PLCB1: variants seen among roughly 807,000 people sequenced by gnomAD.
The protein encoded by PLCB1 is 1-phosphatidylinositol 4,5-bisphosphate phosphodiesterase beta-1.
PLCB1 carries 46 observed loss-of-function variants against 161.8 expected under a neutral mutation model. The observed-to-expected ratio is 0.28, with a 90% CI of 0.22 to 0.36. The LOEUF (loss-of-function observed/expected upper bound fraction) is 0.36, where lower values mean the gene tolerates loss of function less well. PLCB1 is among the 10% of genes least tolerant of loss of function. PLCB1 has a pLI of 1.00. For synonymous variants in PLCB1, 517 were observed against 503.7 expected (o/e 1.03, Z -0.35); for missense variants, 1,016 against 1,472.5 (o/e 0.69, Z 5.07).
At chr20:8,393,491 T>TA (rs1332806440) in intron 3 of PLCB1, among the ~76,000 whole-genome samples, 4 of 151,668 alleles carry the variant, frequency 2.6e-5, no homozygotes, top group African/African-American at 9.7e-5. Context: ...CCCTATCTCT[T>TA]AAAAAAAATA....
chr20:8,200,075 T>C (rs1284676783), intron 2 of PLCB1, among the ~76,000 whole-genome samples: 3 of 152,118 alleles, frequency 2.0e-5, no homozygotes, highest in Admixed American at 6.6e-5. Flanking sequence ...ATTCCGGATA[T>C]TAATTCATTG....
chr20:8,666,038 C>A (rs1266221826), intron 9 of PLCB1, among the ~76,000 whole-genome samples: 1 of 152,172 alleles, frequency 6.6e-6, no homozygotes, highest in African/African-American at 2.4e-5. Flanking sequence ...CATCCACAGC[C>A]AGGCTACAAT....
At chr20:8,671,390 A>G (rs1989940399) in intron 9 of PLCB1, among the ~76,000 whole-genome samples, 1 of 152,208 alleles carries the variant, frequency 6.6e-6, no homozygotes. Flanking sequence ...GTTTTCTGTT[A>G]TATTTCATTT....
Position 8,859,469 on chromosome 20 carries a change from C to T in PLCB1, c.3424-22153C>T, listed in dbSNP as rs1465964163. Among the ~76,000 whole-genome samples the T allele has an allele frequency of 2.6e-5, 4 of 152,224 alleles. No homozygotes were observed. The East Asian group carries it at 7.7e-4, about 29-fold the overall frequency. Reference sequence around the variant, plus strand: ...AGTGATACTACTGGTCCTAGGACCACACTTTGAGTAGCAAGGCTTTCTAAA... The same window carrying T: ...AGTGATACTACTGGTCCTAGGACCATACTTTGAGTAGCAAGGCTTTCTAAA... On this transcript the variant is annotated intron_variant, in intron 31 of 31. Coordinates refer to ENST00000338037, the MANE Select transcript of PLCB1 (RefSeq NM_015192.4).
At chr20:8,710,765 C>T (rs1322731898) in intron 12 of PLCB1, among the ~76,000 whole-genome samples, 8 of 152,004 alleles carry the variant, frequency 5.3e-5, no homozygotes, top group Non-Finnish European at 1.2e-4. Context: ...CCGCCCACCT[C>T]GGCCTCCCAA....
intron 2 of PLCB1, among the ~76,000 whole-genome samples, chr20:8,223,473 T>G (rs919296189): frequency 2.0e-5 from 3 of 152,168 alleles, no homozygotes; most frequent in African/African-American, 7.2e-5. Flanking sequence ...TCTTTTTCTT[T>G]CTTAGAAAAT....
chr20:8,600,640 T>G (rs1987536204), intron 3 of PLCB1: 1 of 150,512 alleles, frequency 6.6e-6, no homozygotes. Flanking sequence ...AGTTCGCGCT[T>G]CCCGGCTGCT....
chr20:8,816,927 GC>G (rs1985110374), intron 31 of PLCB1, among the ~76,000 whole-genome samples: 2 of 152,152 alleles, frequency 1.3e-5, no homozygotes, highest in Non-Finnish European at 2.9e-5. Context: ...TCTTTCAAGT[GC>G]CCTTTCTATT....
chr20:8,516,663 T>TCA (rs1984130403), intron 3 of PLCB1, among the ~76,000 whole-genome samples: 1 of 65,408 alleles, frequency 1.5e-5, no homozygotes, highest in Admixed American at 2.4e-4. Context: ...AAATATAACA[T>TCA]CATATATATA....
At chr20:8,544,241 T>C (rs1010739636) in intron 3 of PLCB1, among the ~76,000 whole-genome samples, 3 of 152,158 alleles carry the variant, frequency 2.0e-5, no homozygotes, top group African/African-American at 7.2e-5. Flanking sequence ...TGAAACCAAA[T>C]TTCTCTCTAA....
chr20:8,660,278 A>T (rs1469846580), intron 9 of PLCB1, among the ~76,000 whole-genome samples: 2 of 152,066 alleles, frequency 1.3e-5, no homozygotes, highest in African/African-American at 4.8e-5. Context: ...AGTACACAAG[A>T]GATGAGATTT....
intron 10 of PLCB1, among the ~76,000 whole-genome samples, chr20:8,688,822 A>G (rs1391848090): frequency 4.6e-5 from 7 of 152,150 alleles, no homozygotes; most frequent in African/African-American, 1.7e-4. Flanking sequence ...TGCTTTGGCT[A>G]TGCGGGCTAT....
intron 2 of PLCB1, among the ~76,000 whole-genome samples, chr20:8,336,613 T>C (rs950820342): frequency 1.3e-5 from 2 of 152,176 alleles, no homozygotes; most frequent in African/African-American, 4.8e-5. Context: ...AGATACCAGG[T>C]GATCGTAGTC....
intron 2 of PLCB1, among the ~76,000 whole-genome samples, chr20:8,277,464 T>C (rs1477780636): frequency 2.0e-5 from 3 of 152,132 alleles, no homozygotes; most frequent in Non-Finnish European, 4.4e-5. Flanking sequence ...CTCTAAGATA[T>C]TTCTATATAT....
At chr20:8,762,300 T>TAACGTA (rs147607367) in intron 25 of PLCB1, among the ~76,000 whole-genome samples, 2,187 of 152,212 alleles carry the variant, frequency 0.014, 44 homozygotes, top group African/African-American at 0.05. Flanking sequence ...TTGTTTAAAA[T>TAACGTA]AACGTAAATG....
At chr20:8,330,885 A>G (rs1181299799) in intron 2 of PLCB1, among the ~76,000 whole-genome samples, 1 of 152,234 alleles carries the variant, frequency 6.6e-6, no homozygotes, top group African/African-American at 2.4e-5. Flanking sequence ...GGAGGTAGGA[A>G]GTATGACATC....
At chr20:8,502,088 A>G (rs765829888) in intron 3 of PLCB1, among the ~76,000 whole-genome samples, 1 of 151,690 alleles carries the variant, frequency 6.6e-6, no homozygotes, top group African/African-American at 2.4e-5. Context: ...GTATCTTTTT[A>G]TTACTAAGAT....
chr20:8,727,226 A>G, intron 16 of PLCB1, 83 bp from the exon 17 acceptor site: 3 of 644,760 alleles, frequency 4.7e-6, no homozygotes, highest in South Asian at 4.1e-5. Context: ...ATATTTACCC[A>G]TTTCTTTTAT....
chr20:8,623,218 A>G (rs1360789246), intron 3 of PLCB1, among the ~76,000 whole-genome samples: 1 of 152,024 alleles, frequency 6.6e-6, no homozygotes, highest in African/African-American at 2.4e-5. Flanking sequence ...AAGAACAACC[A>G]AACTTTTAGC....
Sources: allele counts gnomAD v4.1 joint callset (sites outside exome capture counted in the v4.1 genomes callset), GRCh38; gene constraint gnomAD v4.1.1; transcripts MANE v1.5; gene names NCBI Gene and HGNC (gene_info 2026-07-23, HGNC 2026-07-21).